TMEFF2: variants seen among roughly 807,000 people sequenced by gnomAD.
TMEFF2 encodes transmembrane protein with EGF like and two follistatin like domains 2.
TMEFF2 carries 28 observed loss-of-function variants against 53.8 expected under a neutral mutation model. The ratio of observed to expected loss-of-function variants is 0.52; its 90% CI spans 0.39 to 0.71. The LOEUF is 0.71. Among genes scored for constraint, TMEFF2 ranks in the 30% least tolerant of loss-of-function variants. The pLI is 0.00. For synonymous variants in TMEFF2, 162 were observed against 166.3 expected (o/e 0.97, Z 0.20); for missense variants, 353 against 455.2 (o/e 0.78, Z 2.04).
rs976632495 is a variant in TMEFF2, at chr2:192,107,935, T to C, written c.440-50160A>G. Among the ~76,000 whole-genome samples, 7 of 149,464 alleles carry C rather than the reference T, an allele frequency of 4.7e-5. No individual in the cohort carries two copies. In the East Asian group the frequency reaches 9.8e-4, roughly 21 times the overall value. ...CTCTAATTCTAATTCTATACAAAGATAGAAACAATATAACTGTTTTTTTTT... is the reference window on the plus strand; with the variant it reads ...CTCTAATTCTAATTCTATACAAAGACAGAAACAATATAACTGTTTTTTTTT... On this transcript the variant is annotated intron_variant, in intron 4 of 9. Coordinates refer to ENST00000272771, the MANE Select transcript of TMEFF2 (RefSeq NM_016192.4).
At chr2:192,148,596 T>A (rs541134608) in intron 4 of TMEFF2, among the ~76,000 whole-genome samples, 3 of 152,158 alleles carry the variant, frequency 2.0e-5, no homozygotes, top group Admixed American at 2.0e-4. Flanking sequence ...TGTTTACTCT[T>A]CGTTAATATT....
At chr2:192,118,402 GAATC>G (rs1559134125) in intron 4 of TMEFF2, among the ~76,000 whole-genome samples, 2 of 152,150 alleles carry the variant, frequency 1.3e-5, no homozygotes, top group Non-Finnish European at 2.9e-5. Context: ...AGCTCTAAAA[GAATC>G]AAAGTTTCGA....
At chr2:192,115,906 C>T (rs546592035) in intron 4 of TMEFF2, among the ~76,000 whole-genome samples, 9 of 151,982 alleles carry the variant, frequency 5.9e-5, no homozygotes, top group African/African-American at 2.2e-4. Context: ...TTGGTGCAGA[C>T]ATTATGGAAA....
At chr2:192,024,796 A>G (rs1686932119) in intron 5 of TMEFF2, among the ~76,000 whole-genome samples, 1 of 152,230 alleles carries the variant, frequency 6.6e-6, no homozygotes, top group Non-Finnish European at 1.5e-5. Flanking sequence ...TTCTATGTCA[A>G]TGACTGTTGA....
intron 7 of TMEFF2, among the ~76,000 whole-genome samples, chr2:191,974,498 T>C (rs1244787053): frequency 1.3e-5 from 2 of 151,990 alleles, no homozygotes; most frequent in East Asian, 3.8e-4. Context: ...GCAATTCACA[T>C]TGATTTGAGA....
intron 3 of TMEFF2, among the ~76,000 whole-genome samples, chr2:192,183,069 T>C (rs781657643): frequency 6.6e-6 from 1 of 151,980 alleles, no homozygotes; most frequent in Non-Finnish European, 1.5e-5. Context: ...AATAAACAAA[T>C]GGAGTACCAG....
At chr2:192,155,296 T>G (rs1168365717) in intron 4 of TMEFF2, among the ~76,000 whole-genome samples, 1 of 151,976 alleles carries the variant, frequency 6.6e-6, no homozygotes, top group African/African-American at 2.4e-5. Flanking sequence ...GTGGCTATCC[T>G]TGTCACTTTG....
intron 4 of TMEFF2, among the ~76,000 whole-genome samples, chr2:192,161,141 C>G (rs1301987201): frequency 6.6e-6 from 1 of 151,986 alleles, no homozygotes; most frequent in Non-Finnish European, 1.5e-5. Context: ...AGCGTCCAAG[C>G]AGATTCAACC....
intron 7 of TMEFF2, among the ~76,000 whole-genome samples, chr2:191,957,457 T>G (rs1254312971): frequency 2.0e-5 from 3 of 152,186 alleles, no homozygotes; most frequent in South Asian, 4.1e-4. Flanking sequence ...TATGAAATGG[T>G]TTATTTCCAT....
chr2:191,997,716 T>G (rs542204937), intron 7 of TMEFF2, among the ~76,000 whole-genome samples: 1 of 125,430 alleles, frequency 8.0e-6, no homozygotes, highest in Admixed American at 8.3e-5. Flanking sequence ...ATAAAATGCT[T>G]TATAATTTTG....
intron 5 of TMEFF2, among the ~76,000 whole-genome samples, chr2:192,012,150 G>T (rs1574289971): frequency 1.3e-5 from 2 of 152,098 alleles, no homozygotes; most frequent in Non-Finnish European, 2.9e-5. Context: ...TGATCCACCC[G>T]CCTCGGCCTC....
chr2:192,027,115 G>A (rs1310517018), intron 5 of TMEFF2, among the ~76,000 whole-genome samples: 1 of 152,118 alleles, frequency 6.6e-6, no homozygotes, highest in African/African-American at 2.4e-5. Flanking sequence ...TGTTTAGAGG[G>A]GGGACAGTTC....
intron 7 of TMEFF2, among the ~76,000 whole-genome samples, chr2:191,958,759 T>A (rs1191057515): frequency 6.6e-6 from 1 of 152,202 alleles, no homozygotes; most frequent in Non-Finnish European, 1.5e-5. Flanking sequence ...GTTATGCTGC[T>A]CATAGGATAC....
intron 9 of TMEFF2, 118 bp from the exon 10 acceptor site, chr2:191,950,525 A>G: frequency 2.2e-6 from 3 of 1,371,308 alleles, no homozygotes; most frequent in Non-Finnish European, 3.1e-6. Context: ...AGATGAAAGA[A>G]TTTATCATTA....
chr2:192,001,764 T>C (rs199585723), intron 5 of TMEFF2, among the ~76,000 whole-genome samples: 1 of 18,884 alleles, frequency 5.3e-5, no homozygotes. Context: ...ACCTTTCACC[T>C]TCTGCCATGA....
chr2:192,050,936 G>A (rs1208699126), intron 5 of TMEFF2, among the ~76,000 whole-genome samples: 7 of 152,098 alleles, frequency 4.6e-5, no homozygotes, highest in Non-Finnish European at 1.0e-4. Flanking sequence ...GCTTCCCTAA[G>A]TCAGGAGCTG....
rs1215139423 is a variant in TMEFF2, at chr2:191,964,412, CTTTCTT to C, written c.746-8040_746-8035del. ...TTTCTTTCTTTCTCTTTCTTTCTTTCTTTCTTTCTTTCTTTCTTTCTTTCTGCCTTT... is the reference window on the plus strand; with the variant it reads ...TTTCTTTCTTTCTCTTTCTTTCTTTCTCTTTCTTTCTTTCTTTCTGCCTTT... On this transcript the variant is annotated intron_variant, in intron 7 of 9. Coordinates refer to ENST00000272771, the MANE Select transcript of TMEFF2 (RefSeq NM_016192.4). Among the ~76,000 whole-genome samples the C allele has an allele frequency of 7.9e-3, 781 of 99,334 alleles. 13 individuals are homozygous for C. The highest frequency in any genetic ancestry group is 0.033 in the African/African-American group (748 of 22,602). The allele number at this position is 99,334 out of a possible 152,430, so 65.2% of individuals were successfully genotyped here. A position where few individuals can be genotyped will look rare whatever the true frequency, so the allele number is the denominator to read the frequency against.
At chr2:192,165,035 C>T (rs1281388828) in intron 4 of TMEFF2, among the ~76,000 whole-genome samples, 1 of 150,144 alleles carries the variant, frequency 6.7e-6, no homozygotes, top group African/African-American at 2.5e-5. Flanking sequence ...CTTGCATGTG[C>T]AGGAGACTAG....
intron 3 of TMEFF2, among the ~76,000 whole-genome samples, chr2:192,182,859 G>C (rs537096580): frequency 6.6e-6 from 1 of 151,608 alleles, no homozygotes; most frequent in Non-Finnish European, 1.5e-5. Flanking sequence ...CATTTCTTTG[G>C]TATGGCTGAC....
Sources: allele counts gnomAD v4.1 joint callset (sites outside exome capture counted in the v4.1 genomes callset), GRCh38; gene constraint gnomAD v4.1.1; transcripts MANE v1.5; gene names NCBI Gene and HGNC (gene_info 2026-07-23, HGNC 2026-07-21).